The following ZBTB44 variants were observed in gnomAD, a reference collection of about 807,000 sequenced individuals.
The protein encoded by ZBTB44 is zinc finger and BTB domain containing 44.
Under a neutral mutation model 54.0 loss-of-function variants are expected in ZBTB44, and 15 were observed. The observed-to-expected ratio is 0.28, with a 90% CI of 0.19 to 0.43. ZBTB44 has a LOEUF of 0.43. Among genes scored for constraint, ZBTB44 ranks in the 20% least tolerant of loss-of-function variants. The pLI is 1.00. For missense variants in ZBTB44, 487 were observed against 707.1 expected, an observed-to-expected ratio of 0.69 and a Z score of 3.53; for synonymous variants, 230 against 250.1, an observed-to-expected ratio of 0.92 and a Z score of 0.76.
chr11:130,253,278 G>C (rs148642542), intron 2 of ZBTB44, among the ~76,000 whole-genome samples: 2 of 152,148 alleles, frequency 1.3e-5, no homozygotes, highest in African/African-American at 4.8e-5. Context: ...AAGTCAAATT[G>C]TCCCTGTTTG....
chr11:130,274,732 T>C (rs571863386), intron 1 of ZBTB44, among the ~76,000 whole-genome samples: 27 of 152,294 alleles, frequency 1.8e-4, no homozygotes, highest in Admixed American at 1.4e-3. Flanking sequence ...GTTTGTTTTT[T>C]AAAAAAATAT....
In ZBTB44 at chr11:130,276,242, A is replaced by AAAG. The variant is rs1555171841; in HGVS notation, c.-56-14314_-56-14313insCTT. Among the ~76,000 whole-genome samples, 30 of 94,456 alleles carry AAAG rather than the reference A, an allele frequency of 3.2e-4. 2 individuals carry two copies. The East Asian group carries it at 9.0e-3, about 28-fold the overall frequency. The allele number at this position is 94,456 out of a possible 152,430, so 62.0% of individuals were successfully genotyped here. A position where few individuals can be genotyped will look rare whatever the true frequency, so the allele number is the denominator to read the frequency against. ...CGTGAAACTCTGTCTCAAAAAAAAA[A>AAAG]AAAAGAAAAAAGAAATCAGAGGTTT... On this transcript the variant is annotated intron_variant, in intron 1 of 7. Coordinates refer to ENST00000357899, the MANE Select transcript of ZBTB44 (RefSeq NM_001301098.2).
intron 2 of ZBTB44, among the ~76,000 whole-genome samples, chr11:130,257,704 TCA>T (rs1440431439): frequency 6.6e-6 from 1 of 152,164 alleles, no homozygotes; most frequent in Non-Finnish European, 1.5e-5. Context: ...CCAGGGAAAC[TCA>T]CACAGAGGGT....
At chr11:130,233,274 G>C in intron 7 of ZBTB44, 34 bp downstream of exon 7, 2 of 1,491,490 alleles carry the variant, frequency 1.3e-6, no homozygotes, top group Non-Finnish European at 8.9e-7. Context: ...AAAGCAGTAT[G>C]AGAAGAGTTC....
At chr11:130,239,730 A>T in intron 3 of ZBTB44, 82 bp downstream of exon 3, 1 of 1,139,012 alleles carries the variant, frequency 8.8e-7, no homozygotes, top group Non-Finnish European at 1.3e-6. Flanking sequence ...ATAAACTTCT[A>T]CAACTCTTGA....
intron 2 of ZBTB44, among the ~76,000 whole-genome samples, chr11:130,250,125 CCT>C (rs1401245292): frequency 6.6e-6 from 1 of 152,166 alleles, no homozygotes; most frequent in Non-Finnish European, 1.5e-5. Flanking sequence ...TTGGTTTTCC[CCT>C]GACAGCGCTA....
At chr11:130,245,108 CTA>C (rs1206388870) in intron 2 of ZBTB44, among the ~76,000 whole-genome samples, 2 of 152,194 alleles carry the variant, frequency 1.3e-5, no homozygotes, top group African/African-American at 2.4e-5. Flanking sequence ...ATACGCAGGA[CTA>C]TGTGTGTTTA....
chr11:130,304,971 C>T (rs1376288271), intron 1 of ZBTB44, among the ~76,000 whole-genome samples: 3 of 151,946 alleles, frequency 2.0e-5, no homozygotes, highest in South Asian at 2.1e-4. Flanking sequence ...ATGACCAAGC[C>T]GAGAATCAAA....
At chr11:130,291,286 G>A (rs974982152) in intron 1 of ZBTB44, among the ~76,000 whole-genome samples, 9 of 151,968 alleles carry the variant, frequency 5.9e-5, no homozygotes, top group Non-Finnish European at 8.8e-5. Flanking sequence ...TTATAGGCGC[G>A]TGCCACCATA....
At chr11:130,264,383 A>ACT (rs937618853) in intron 1 of ZBTB44, among the ~76,000 whole-genome samples, 8 of 152,194 alleles carry the variant, frequency 5.3e-5, no homozygotes, top group African/African-American at 1.9e-4. Context: ...ACCACACCTA[A>ACT]CTCTTCAACT....
At chr11:130,264,672 A>G (rs999546925) in intron 1 of ZBTB44, among the ~76,000 whole-genome samples, 2 of 152,232 alleles carry the variant, frequency 1.3e-5, no homozygotes, top group East Asian at 1.9e-4. Context: ...TCTCTACCAT[A>G]TATTTATCAC....
intron 1 of ZBTB44, among the ~76,000 whole-genome samples, chr11:130,283,771 A>ACCTGGCCAAAATGGTGAAATCCC: frequency 6.6e-6 from 1 of 151,088 alleles, no homozygotes; most frequent in East Asian, 2.0e-4. Flanking sequence ...TTTGAGATCC[A>ACCTGGCCAAAATGGTGAAATCCC]CCTGGCCAAA....
Position 130,261,181 on chromosome 11 carries a change from A to T in ZBTB44, c.693T>A (p.Thr231=). 1 of 1,614,010 alleles carries T rather than the reference A, an allele frequency of 6.2e-7. No individual in the cohort carries two copies. Among genetic ancestry groups the T allele is most frequent in the African/African-American group, 1.3e-5 (1 of 75,054 alleles). The change falls in exon 2 of 8, where the codon ACT becomes ACA. Residue 231 remains threonine (T), a synonymous_variant. Transcript: ENST00000357899. This position sits in a 1 kb window ranked among gnomAD's most constrained non-coding sequence, Gnocchi z 4.8. ...TCCTTCGATCAATTCCAAAAGGAAAAGTCCAAGGAAAAGCTAAGGAAGAGT... is the reference window on the plus strand; with the variant it reads ...TCCTTCGATCAATTCCAAAAGGAAATGTCCAAGGAAAAGCTAAGGAAGAGT... The part of the protein sequence containing the change: ...PVDSSLAFPW[T]FPFGIDRRIQ...
intron 1 of ZBTB44, among the ~76,000 whole-genome samples, chr11:130,313,502 A>T: frequency 6.6e-6 from 1 of 152,212 alleles, no homozygotes; most frequent in East Asian, 1.9e-4. Context: ...GGGGAAATGA[A>T]GATTTATACA....
In ZBTB44 at chr11:130,261,915, T is replaced by G. The variant is rs1342536992; in HGVS notation, c.-42A>C. On this transcript the variant is annotated 5_prime_UTR_variant, in exon 2 of 8. Transcript: ENST00000357899. This position sits in a 1 kb window ranked among gnomAD's most constrained non-coding sequence, Gnocchi z 4.8. ...TACAGATGCTCTTCAAGGATGCAAA[T>G]AAATCAGAAATGTCCTAAAAAATAC... 2 of 1,527,742 alleles carry G rather than the reference T, an allele frequency of 1.3e-6. No individual in the cohort carries two copies. The highest frequency in any genetic ancestry group is 1.8e-6 in the Non-Finnish European group (2 of 1,140,300). The allele number at this position is 1,527,742 out of a possible 1,614,324, so 94.6% of individuals were successfully genotyped here.
intron 7 of ZBTB44, chr11:130,233,015 G>GAA (rs931632488): frequency 1.8e-4 from 44 of 238,454 alleles, no homozygotes; most frequent in South Asian, 2.4e-4. Flanking sequence ...TAAAAAAAAA[G>GAA]AAAAAAAAAA....
chr11:130,258,391 TA>T (rs1565657258), intron 2 of ZBTB44, among the ~76,000 whole-genome samples: 1 of 140,422 alleles, frequency 7.1e-6, no homozygotes, highest in Non-Finnish European at 1.5e-5. Context: ...CACACCAAGA[TA>T]AGTGCACTGC....
At chr11:130,256,211 T>C (rs996828531) in intron 2 of ZBTB44, among the ~76,000 whole-genome samples, 5 of 151,302 alleles carry the variant, frequency 3.3e-5, no homozygotes, top group African/African-American at 1.2e-4. Flanking sequence ...ACTGACAAAC[T>C]GAATCCAGCA....
Position 130,236,969 on chromosome 11 carries a change from G to C in ZBTB44, c.1392C>G (p.Phe464Leu), listed in dbSNP as rs1954134626. 6.2e-7 allele frequency: 1 copy of C among 1,613,454 alleles called. No homozygotes were observed. The highest frequency in any genetic ancestry group is 8.5e-7 in the Non-Finnish European group (1 of 1,179,662). ...GGTGTTTATATTCCCCGAAGGAAGT[G>C]AAAGTGGCACTACATATCTGGCACC... ...CFRCQICSAT[F>L]TSFGEYKHHM... The change falls in exon 5 of 8, where the codon TTC becomes TTG. Residue 464 changes from phenylalanine to leucine, a missense_variant. Phe to Leu is a conservative substitution (Grantham distance 22). Transcript: ENST00000357899.
Sources: allele counts gnomAD v4.1 joint callset (sites outside exome capture counted in the v4.1 genomes callset), GRCh38; gene constraint gnomAD v4.1.1; non-coding constraint Gnocchi (gnomAD v3.1); transcripts MANE v1.5; gene names NCBI Gene and HGNC (gene_info 2026-07-23, HGNC 2026-07-21).